The following PSD3 variants were observed in gnomAD, a reference collection of about 807,000 sequenced individuals.
PSD3 encodes the protein pleckstrin and Sec7 domain containing 3, also known as PH and SEC7 domain-containing protein 3.
PSD3 carries 49 observed loss-of-function variants against 105.5 expected under a neutral mutation model. The observed-to-expected ratio is 0.46, with a 90% confidence interval of 0.37 to 0.59. PSD3 has a LOEUF of 0.59. PSD3 is among the 20% of genes least tolerant of loss of function. The pLI is 0.00. For missense variants in PSD3, 1,561 were observed against 1,263.8 expected, an observed-to-expected ratio of 1.24 and a Z score of -3.57; for synonymous variants, 557 against 457.8, an observed-to-expected ratio of 1.22 and a Z score of -2.77.
intron 2 of PSD3, among the ~76,000 whole-genome samples, chr8:18,917,386 G>T (rs781148607): frequency 4.6e-5 from 7 of 152,148 alleles, no homozygotes; most frequent in Non-Finnish European, 7.3e-5. Flanking sequence ...ACAGCTAAAA[G>T]TGATCATGGC....
intron 1 of PSD3, among the ~76,000 whole-genome samples, chr8:19,063,668 C>T (rs934234123): frequency 3.3e-5 from 5 of 152,188 alleles, no homozygotes; most frequent in African/African-American, 1.2e-4. Context: ...CACCTGGTTT[C>T]CAAGTTCATG....
intron 10 of PSD3, among the ~76,000 whole-genome samples, chr8:18,651,166 C>A (rs1433262540): frequency 1.3e-5 from 2 of 152,180 alleles, no homozygotes; most frequent in Non-Finnish European, 2.9e-5. Flanking sequence ...CTTAAGGAAG[C>A]AGAACTGGGT....
intron 4 of PSD3, among the ~76,000 whole-genome samples, chr8:18,858,169 T>A (rs1368775530): frequency 2.0e-5 from 3 of 152,174 alleles, no homozygotes; most frequent in Non-Finnish European, 4.4e-5. Context: ...AAAGCAAATA[T>A]CACAATAGAG....
chr8:18,863,139 G>A (rs910295783), intron 4 of PSD3, among the ~76,000 whole-genome samples: 1 of 152,162 alleles, frequency 6.6e-6, no homozygotes. Context: ...AGAAGTTCCT[G>A]CCATGTCACG....
chr8:18,841,996 G>A (rs1814663699), intron 4 of PSD3, among the ~76,000 whole-genome samples: 1 of 152,178 alleles, frequency 6.6e-6, no homozygotes, highest in Non-Finnish European at 1.5e-5. Flanking sequence ...CGTGTCACAG[G>A]AGCAGAAAGG....
intron 9 of PSD3, among the ~76,000 whole-genome samples, chr8:18,739,285 A>C (rs962374286): frequency 2.6e-5 from 4 of 152,200 alleles, no homozygotes; most frequent in African/African-American, 9.6e-5. Flanking sequence ...TCTTTGTGGA[A>C]GAAAAAGAGT....
intron 9 of PSD3, among the ~76,000 whole-genome samples, chr8:18,741,275 A>T (rs1378635123): frequency 6.6e-6 from 1 of 152,098 alleles, no homozygotes; most frequent in Non-Finnish European, 1.5e-5. Flanking sequence ...TGTCATCTCC[A>T]TTTTATGGTT....
intron 4 of PSD3, among the ~76,000 whole-genome samples, chr8:18,861,963 C>G (rs1169526457): frequency 6.6e-6 from 1 of 152,132 alleles, no homozygotes; most frequent in Admixed American, 6.5e-5. Context: ...CCACCTACCA[C>G]AGTGCACTGT....
chr8:18,709,075 G>A lies in PSD3; in HGVS notation c.2173-53390C>T, dbSNP rs568672753. On this transcript the variant is annotated intron_variant, in intron 9 of 15. Transcript: ENST00000327040. ...AGCAGCTGCTCGGGTTGTGGACAGC[G>A]GTAGCAGGCTGGAGACTAAGATGAC... Among the ~76,000 whole-genome samples, 217 of 152,256 alleles carry A rather than the reference G, an allele frequency of 1.4e-3. 1 individual carries two copies. Among genetic ancestry groups the A allele is most frequent in the African/African-American group, 4.5e-3 (188 of 41,538 alleles).
intron 6 of PSD3, 174 bp downstream of exon 6, chr8:18,804,348 C>A (rs1811001094): frequency 5.2e-6 from 3 of 574,056 alleles, no homozygotes; most frequent in Admixed American, 7.1e-5. Context: ...CTAAACCTGA[C>A]AAAATCCAAA....
chr8:19,051,580 T>C (rs555825534), intron 1 of PSD3, among the ~76,000 whole-genome samples: 1 of 152,212 alleles, frequency 6.6e-6, no homozygotes, highest in African/African-American at 2.4e-5. Flanking sequence ...GCTCCTGGAG[T>C]GTGGAAATTG....
chr8:18,820,439 A>T (rs1812600513), intron 4 of PSD3, among the ~76,000 whole-genome samples: 1 of 152,176 alleles, frequency 6.6e-6, no homozygotes, highest in South Asian at 2.1e-4. Context: ...AAAATACCAA[A>T]ATCCATGGAT....
intron 1 of PSD3, among the ~76,000 whole-genome samples, chr8:19,070,577 C>A (rs573608239): frequency 6.6e-6 from 1 of 152,208 alleles, no homozygotes; most frequent in Admixed American, 6.5e-5. Context: ...ACACGGGAGG[C>A]TGAGGCAGGA....
intron 1 of PSD3, among the ~76,000 whole-genome samples, chr8:18,966,298 G>A (rs575450265): frequency 3.7e-4 from 57 of 152,222 alleles, no homozygotes; most frequent in Middle Eastern, 3.4e-3. Context: ...GGCCAGGTGC[G>A]GTGGCTCAGG....
intron 1 of PSD3, among the ~76,000 whole-genome samples, chr8:19,040,068 T>C (rs1463648628): frequency 6.6e-6 from 1 of 152,110 alleles, no homozygotes; most frequent in Non-Finnish European, 1.5e-5. Flanking sequence ...CACACAAACA[T>C]GAACGGAAAC....
intron 1 of PSD3, among the ~76,000 whole-genome samples, chr8:19,065,331 A>G (rs1416632831): frequency 1.3e-5 from 2 of 152,128 alleles, no homozygotes; most frequent in Non-Finnish European, 2.9e-5. Flanking sequence ...CAAGTAAACA[A>G]TCAGCTCTGC....
In PSD3 at chr8:18,532,799, A is replaced by C. The variant is rs530299914; in HGVS notation, c.*2944T>G. 1 of 152,268 alleles carries C rather than the reference A, an allele frequency of 6.6e-6. No individual in the cohort carries two copies. Among genetic ancestry groups the C allele is most frequent in the South Asian group, 2.1e-4 (1 of 4,826 alleles). 9.4% of individuals were successfully genotyped at this position (152,268 alleles called of 1,614,324 possible). A position where few individuals can be genotyped will look rare whatever the true frequency, so the allele number is the denominator to read the frequency against. On this transcript the variant is annotated 3_prime_UTR_variant, in exon 16 of 16. Transcript: ENST00000327040. ...CATGCGAGGTGGGGACAAACCCCTA[A>C]AATTCAGATTTTATACATGGGCCAC... is the stretch of plus-strand genomic sequence containing the variant.
At chr8:18,973,857 T>G (rs180910852) in intron 1 of PSD3, among the ~76,000 whole-genome samples, 128 of 152,322 alleles carry the variant, frequency 8.4e-4, no homozygotes, top group African/African-American at 3.0e-3. Context: ...TGAACCAAAC[T>G]TTGTGCTGAT....
chr8:18,603,590 G>T (rs1342684521), intron 11 of PSD3, among the ~76,000 whole-genome samples: 8 of 152,128 alleles, frequency 5.3e-5, no homozygotes, highest in Admixed American at 5.2e-4. Context: ...TAACACCATT[G>T]TTGCAATGTT....
Sources: gnomAD v4.1 joint callset for allele counts (sites outside exome capture counted in the v4.1 genomes callset) on GRCh38, gnomAD v4.1.1 for gene constraint, MANE v1.5 for transcripts, NCBI Gene and HGNC (gene_info 2026-07-23, HGNC 2026-07-21) for gene names.